Variants in PRIM2 observed in about 807,000 individuals in gnomAD.
PRIM2 encodes the protein DNA primase large subunit.
A neutral mutation model predicts 67.3 loss-of-function variants in PRIM2; 39 were observed. The ratio of observed to expected loss-of-function variants is 0.58; its 90% CI spans 0.45 to 0.76. The LOEUF is 0.76. PRIM2 is among the 30% of genes least tolerant of loss of function. PRIM2 has a pLI of 0.00. For synonymous variants in PRIM2, 143 were observed against 198.7 expected, an observed-to-expected ratio of 0.72 and a Z score of 2.36; for missense variants, 398 against 598.7, an observed-to-expected ratio of 0.66 and a Z score of 3.50.
chr6:57,400,085 C>T (rs1770653896), intron 7 of PRIM2, among the ~76,000 whole-genome samples: 1 of 152,278 alleles, frequency 6.6e-6, no homozygotes, highest in Non-Finnish European at 1.5e-5. Context: ...TGAAGTGGGA[C>T]ATGTAGTCCA....
At chr6:57,346,878 T>C (rs548029159) in intron 5 of PRIM2, among the ~76,000 whole-genome samples, 2 of 152,272 alleles carry the variant, frequency 1.3e-5, no homozygotes, top group East Asian at 3.9e-4. Context: ...AGGAAGTAGT[T>C]GCGTAACAAA....
At chr6:57,412,727 C>T (rs1322902688) in intron 7 of PRIM2, among the ~76,000 whole-genome samples, 2 of 151,716 alleles carry the variant, frequency 1.3e-5, no homozygotes, top group South Asian at 2.1e-4. Flanking sequence ...AGACAAGTCA[C>T]CCAGAAGAGT....
chr6:57,276,206 A>G, the PRIM2 span, among the ~76,000 whole-genome samples: 2 of 152,140 alleles, frequency 1.3e-5, no homozygotes, highest in African/African-American at 4.8e-5. Context: ...CCTGGCCAAC[A>G]TAGTGAAACC....
intron 7 of PRIM2, among the ~76,000 whole-genome samples, chr6:57,480,911 C>T (rs1224216050): frequency 6.6e-6 from 1 of 152,170 alleles, no homozygotes; most frequent in Non-Finnish European, 1.5e-5. Context: ...CAGGCGTGAG[C>T]CATCGCACCC....
the PRIM2 span, among the ~76,000 whole-genome samples, chr6:57,229,658 AT>A: frequency 6.6e-6 from 1 of 151,634 alleles, no homozygotes; most frequent in African/African-American, 2.4e-5. Context: ...TGCCCAGCTA[AT>A]TTTTGTATTT....
intron 6 of PRIM2, 125 bp downstream of exon 6, chr6:57,380,121 A>G (rs566638572): frequency 1.5e-5 from 11 of 718,486 alleles, no homozygotes; most frequent in Non-Finnish European, 2.2e-5. Context: ...TCCTGCACAG[A>G]TACTGTCCTC....
intron 7 of PRIM2, among the ~76,000 whole-genome samples, chr6:57,399,674 T>C (rs1770640525): frequency 5.3e-5 from 8 of 152,136 alleles, no homozygotes; most frequent in Non-Finnish European, 1.2e-4. Flanking sequence ...AAAATTGTTC[T>C]TATTTCTCCA....
chr6:57,278,787 G>T, the PRIM2 span, among the ~76,000 whole-genome samples: 3 of 152,192 alleles, frequency 2.0e-5, no homozygotes, highest in East Asian at 5.8e-4. Flanking sequence ...AGCGTGTCCA[G>T]CAGTTGGGGA....
At chr6:57,244,795 T>G in the PRIM2 span, among the ~76,000 whole-genome samples, 1 of 152,114 alleles carries the variant, frequency 6.6e-6, no homozygotes, top group African/African-American at 2.4e-5. Context: ...GTATTTGCCC[T>G]GCAACACTGC....
At chr6:57,345,294 A>ATT (rs1342726286) in intron 5 of PRIM2, among the ~76,000 whole-genome samples, 2 of 151,932 alleles carry the variant, frequency 1.3e-5, no homozygotes, top group Non-Finnish European at 2.9e-5. Context: ...AATAGCTGGA[A>ATT]TTGCAGGCAT....
intron 5 of PRIM2, among the ~76,000 whole-genome samples, chr6:57,332,893 T>C (rs1768099982): frequency 6.6e-6 from 1 of 152,164 alleles, no homozygotes; most frequent in Non-Finnish European, 1.5e-5. Context: ...ACTTAGTATT[T>C]CCGTGTGCCA....
Position 57,593,796 on chromosome 6 carries a change from T to C in PRIM2, c.1021-7297T>C, listed in dbSNP as rs1393771231. Among the ~76,000 whole-genome samples the C allele has an allele frequency of 4.6e-5, 7 of 152,338 alleles. No individual in the cohort carries two copies. In the East Asian group the frequency reaches 1.3e-3, roughly 29 times the overall value. ...TTTGAAAGCTTAGTAAGATCCAAGTTTCATTTATTTTTATTTTTTTCTTGT... is the reference window on the plus strand; with the variant it reads ...TTTGAAAGCTTAGTAAGATCCAAGTCTCATTTATTTTTATTTTTTTCTTGT... On this transcript the variant is annotated intron_variant, in intron 10 of 13. Coordinates refer to ENST00000615550, the MANE Select transcript of PRIM2 (RefSeq NM_000947.5).
At chr6:57,460,441 T>TAC (rs1772965703) in intron 7 of PRIM2, among the ~76,000 whole-genome samples, 2 of 152,148 alleles carry the variant, frequency 1.3e-5, no homozygotes, top group Non-Finnish European at 1.5e-5. Context: ...CAGAAGGCAG[T>TAC]ACTTCCGAAA....
intron 7 of PRIM2, among the ~76,000 whole-genome samples, chr6:57,429,196 G>C (rs1302409817): frequency 1.3e-5 from 2 of 152,176 alleles, no homozygotes; most frequent in Non-Finnish European, 2.9e-5. Flanking sequence ...TTGCCCTATG[G>C]GAGGGAGATT....
chr6:57,420,674 A>G (rs535680690), intron 7 of PRIM2, among the ~76,000 whole-genome samples: 40 of 152,302 alleles, frequency 2.6e-4, no homozygotes, highest in East Asian at 5.8e-4. Context: ...GCTTTTTGAT[A>G]TCTGCCAGGA....
chr6:57,575,328 T>C, intron 10 of PRIM2, among the ~76,000 whole-genome samples: 1 of 152,312 alleles, frequency 6.6e-6, no homozygotes, highest in Non-Finnish European at 1.5e-5. Flanking sequence ...AATTGTAAAA[T>C]GTACCCAGAC....
At chr6:57,326,218 A>AG (rs1767849335) in intron 5 of PRIM2, 173 bp downstream of exon 5, 2 of 522,258 alleles carry the variant, frequency 3.8e-6, no homozygotes, top group Non-Finnish European at 2.9e-6. Context: ...TATGACTAGA[A>AG]GAAAAGGACT....
intron 5 of PRIM2, among the ~76,000 whole-genome samples, chr6:57,378,251 A>G (rs1769838125): frequency 2.7e-5 from 4 of 150,914 alleles, no homozygotes; most frequent in Non-Finnish European, 5.9e-5. Context: ...TTTTTTGTAG[A>G]GATGGGGTCT....
chr6:57,473,250 C>T (rs1254968332), intron 7 of PRIM2, among the ~76,000 whole-genome samples: 2 of 152,120 alleles, frequency 1.3e-5, no homozygotes, highest in Non-Finnish European at 1.5e-5. Context: ...GATGAGATAA[C>T]TGGAAGAGAT....
Sources: gnomAD v4.1 joint callset for allele counts (sites outside exome capture counted in the v4.1 genomes callset) on GRCh38, gnomAD v4.1.1 for gene constraint, MANE v1.5 for transcripts, NCBI Gene and HGNC (gene_info 2026-07-23, HGNC 2026-07-21) for gene names.